The following PCNX1 variants were observed in gnomAD, a reference collection of about 807,000 sequenced individuals.
PCNX1 encodes the protein pecanex-like protein 1.
PCNX1 carries 78 observed loss-of-function variants against 242.2 expected under a neutral mutation model. The observed-to-expected ratio is 0.32, with a 90% CI of 0.27 to 0.39. The LOEUF (loss-of-function observed/expected upper bound fraction) is 0.39, where lower values mean the gene tolerates loss of function less well. Among genes scored for constraint, PCNX1 ranks in the 10% least tolerant of loss-of-function variants. The pLI is 1.00. For missense variants in PCNX1, 2,581 were observed against 2,856.5 expected (o/e 0.90, Z 2.20); for synonymous variants, 1,024 against 1,032.9 (o/e 0.99, Z 0.17).
At chr14:70,936,103 A>C (rs1032135778) in intron 1 of PCNX1, among the ~76,000 whole-genome samples, 4 of 152,186 alleles carry the variant, frequency 2.6e-5, no homozygotes, top group African/African-American at 9.6e-5. Context: ...TAAAGCTATA[A>C]ATTAAACAAC....
At chr14:71,059,776 T>A (rs2061278089) in intron 26 of PCNX1, among the ~76,000 whole-genome samples, 1 of 152,144 alleles carries the variant, frequency 6.6e-6, no homozygotes. Flanking sequence ...TAACATAGAA[T>A]TCAAATGCCT....
At position 71,018,923 on chromosome 14, in the gene PCNX1, A is replaced by G. The variant is rs747620997; in HGVS notation, c.2997-86A>G. 31 of 1,158,160 alleles carry G rather than the reference A, an allele frequency of 2.7e-5. 1 individual carries two copies. Among genetic ancestry groups the G allele is most frequent in the Non-Finnish European group, 3.7e-5 (30 of 812,962 alleles). 71.7% of individuals were successfully genotyped at this position (1,158,160 alleles called of 1,614,324 possible). A position where few individuals can be genotyped will look rare whatever the true frequency, so the allele number is the denominator to read the frequency against. On this transcript the variant is annotated intron_variant, in intron 11 of 35. Coordinates refer to ENST00000304743, the MANE Select transcript of PCNX1 (RefSeq NM_014982.3). Reference sequence around the variant, plus strand: ...GACATCTTGGCATACCATGAACTTCATATTTATGTCTTCCCTTCCCTTTTT... The same window carrying G: ...GACATCTTGGCATACCATGAACTTCGTATTTATGTCTTCCCTTCCCTTTTT...
chr14:71,087,424 T>A (rs2062021799), intron 28 of PCNX1, among the ~76,000 whole-genome samples: 1 of 152,236 alleles, frequency 6.6e-6, no homozygotes, highest in Non-Finnish European at 1.5e-5. Flanking sequence ...GTTCCCCTAT[T>A]GTATTTATAA....
chr14:70,947,150 T>C, intron 2 of PCNX1, 27 bp downstream of exon 2: 1 of 1,443,638 alleles, frequency 6.9e-7, no homozygotes, highest in Non-Finnish European at 9.7e-7. Flanking sequence ...CATTGATTGA[T>C]CGTAATGATT....
chr14:71,084,629 C>T (rs1168408562), intron 28 of PCNX1, among the ~76,000 whole-genome samples: 4 of 152,220 alleles, frequency 2.6e-5, no homozygotes, highest in Non-Finnish European at 4.4e-5. Context: ...AACTTCCTGG[C>T]AGCTTTGCTT....
At chr14:70,957,191 G>A (rs1379160713) in intron 2 of PCNX1, among the ~76,000 whole-genome samples, 4 of 151,978 alleles carry the variant, frequency 2.6e-5, no homozygotes, top group Non-Finnish European at 5.9e-5. Flanking sequence ...GTTTTGTCAT[G>A]TTGCCCAGTC....
At chr14:70,988,539 T>G (rs2059063996) in intron 6 of PCNX1, 28 bp from the exon 7 acceptor site, 1 of 1,607,942 alleles carries the variant, frequency 6.2e-7, no homozygotes. Flanking sequence ...CCTAGGCTCT[T>G]GTTTGACCTA....
chr14:71,033,694 A>G (rs752194210), intron 17 of PCNX1, among the ~76,000 whole-genome samples, 156 bp downstream of exon 17: 1 of 152,192 alleles, frequency 6.6e-6, no homozygotes, highest in Non-Finnish European at 1.5e-5. Context: ...GGGTTATTCA[A>G]ATCAGGTTGG....
intron 8 of PCNX1, among the ~76,000 whole-genome samples, chr14:70,998,742 C>A (rs1304334757): frequency 1.3e-4 from 16 of 124,076 alleles, no homozygotes; most frequent in Admixed American, 8.5e-4. Context: ...CAGAGTGAGA[C>A]CCTATCTCAA....
intron 1 of PCNX1, among the ~76,000 whole-genome samples, chr14:70,945,243 A>C (rs2057410715): frequency 6.6e-6 from 1 of 152,202 alleles, no homozygotes; most frequent in South Asian, 2.1e-4. Context: ...TTTGCCAGAA[A>C]ATGGGGATGA....
intron 1 of PCNX1, among the ~76,000 whole-genome samples, chr14:70,926,364 C>G (rs1300289153): frequency 6.6e-6 from 1 of 152,186 alleles, no homozygotes; most frequent in Non-Finnish European, 1.5e-5. Context: ...TTCACTCTCG[C>G]TACAGAGATG....
At chr14:70,964,429 T>C (rs542313456) in intron 3 of PCNX1, among the ~76,000 whole-genome samples, 1 of 152,356 alleles carries the variant, frequency 6.6e-6, no homozygotes, top group African/African-American at 2.4e-5. Context: ...GTTACTATCC[T>C]TGATCCTGTT....
chr14:70,948,090 T>C (rs150905723), intron 2 of PCNX1, among the ~76,000 whole-genome samples: 246 of 152,330 alleles, frequency 1.6e-3, no homozygotes, highest in African/African-American at 5.7e-3. Context: ...TCAATGACAA[T>C]CTGTGCATAG....
chr14:70,975,451 T>C (rs1760040807), intron 5 of PCNX1, among the ~76,000 whole-genome samples: 1 of 152,208 alleles, frequency 6.6e-6, no homozygotes, highest in South Asian at 2.1e-4. Context: ...AATTTTTAAT[T>C]AATTAATCAT....
chr14:70,946,121 T>A (rs1403102756), intron 1 of PCNX1, among the ~76,000 whole-genome samples: 5 of 152,268 alleles, frequency 3.3e-5, no homozygotes, highest in Admixed American at 2.6e-4. Context: ...CTGACTTATT[T>A]TATTTAATCT....
chr14:70,932,715 C>T (rs928253840), intron 1 of PCNX1, among the ~76,000 whole-genome samples: 3 of 151,970 alleles, frequency 2.0e-5, no homozygotes, highest in Admixed American at 6.5e-5. Flanking sequence ...TGGGTTCAAG[C>T]GATTCTCCTG....
chr14:70,940,577 A>G (rs1281554826), intron 1 of PCNX1, among the ~76,000 whole-genome samples: 2 of 152,036 alleles, frequency 1.3e-5, no homozygotes, highest in Admixed American at 1.3e-4. Context: ...CTTCATTTCA[A>G]CTTTGGTGAA....
At chr14:71,050,165 C>T (rs202095405) in intron 22 of PCNX1, among the ~76,000 whole-genome samples, 7 of 150,190 alleles carry the variant, frequency 4.7e-5, no homozygotes, top group African/African-American at 1.5e-4. Context: ...GATTTTTTTT[C>T]TTTTTTTTTA....
chr14:70,923,678 A>G (rs1418302998), intron 1 of PCNX1, among the ~76,000 whole-genome samples: 2 of 152,152 alleles, frequency 1.3e-5, no homozygotes, highest in Admixed American at 1.3e-4. Flanking sequence ...CCCCCACTTA[A>G]TATATCTTAA....
Sources: allele counts gnomAD v4.1 joint callset (sites outside exome capture counted in the v4.1 genomes callset), GRCh38; gene constraint gnomAD v4.1.1; transcripts MANE v1.5; gene names NCBI Gene and HGNC (gene_info 2026-07-23, HGNC 2026-07-21).